PSME3IP1: variants seen among roughly 807,000 people sequenced by gnomAD.
PSME3IP1 encodes the protein PSME3-interacting protein.
PSME3IP1 carries 13 observed loss-of-function variants against 34.1 expected under a neutral mutation model. That is an observed-to-expected ratio of 0.38 (90% confidence interval 0.25 to 0.61). The LOEUF (loss-of-function observed/expected upper bound fraction) is 0.61. PSME3IP1 is among the 20% of genes least tolerant of loss of function. The pLI is 0.60. For missense variants in PSME3IP1, 237 were observed against 301.4 expected (o/e 0.79, Z 1.58); for synonymous variants, 93 against 114.3 (o/e 0.81, Z 1.19).
chr16:57,172,420 A>AT (rs1216798596), intron 3 of PSME3IP1, 48 bp from the exon 4 acceptor site: 1 of 1,584,162 alleles, frequency 6.3e-7, no homozygotes, highest in Admixed American at 1.9e-5. Flanking sequence ...AAAGGGAAAA[A>AT]TAAGATTTTT....
chr16:57,164,449 A>C (rs755065932), intron 5 of PSME3IP1, among the ~76,000 whole-genome samples: 2 of 152,290 alleles, frequency 1.3e-5, no homozygotes, highest in South Asian at 2.1e-4. Context: ...CATGCTAGAG[A>C]TTCTGAGAGT....
rs534930436 is a variant in PSME3IP1, at chr16:57,159,183, C to G, written c.548-4676G>C. Among the ~76,000 whole-genome samples, 20 of 152,288 alleles carry G rather than the reference C, an allele frequency of 1.3e-4. No homozygotes were observed. In the East Asian group the frequency reaches 2.9e-3, roughly 22 times the overall value. On this transcript the variant is annotated intron_variant, in intron 6 of 6. Transcript: ENST00000309137. ...AGAAATATAATCAAGGAATCTGGAC[C>G]ACTGTGGTATCAGAAGAGTTTAAGT...
In PSME3IP1 at chr16:57,174,392, C is replaced by T. The variant is rs149010297; in HGVS notation, c.-15-523G>A. The T allele has an allele frequency of 8.7e-5, 83 of 952,356 alleles. No individual in the cohort carries two copies. The African/African-American group carries it at 1.3e-3, about 14-fold the overall frequency. 59.0% of individuals were successfully genotyped at this position (952,356 alleles called of 1,614,324 possible). A position where few individuals can be genotyped will look rare whatever the true frequency, so the allele number is the denominator to read the frequency against. ...CATATCAGAGAATTTTTATTAACAT[C>T]GATGTTATCTACACAGTTGGCAAGA... On this transcript the variant is annotated intron_variant, in intron 1 of 6. Transcript: ENST00000309137.
intron 1 of PSME3IP1, among the ~76,000 whole-genome samples, chr16:57,177,101 G>A (rs549828612): frequency 2.2e-4 from 33 of 151,736 alleles, no homozygotes; most frequent in Admixed American, 5.3e-4. Context: ...GTGATCCACC[G>A]GCCTTGGCCT....
Position 57,154,846 on chromosome 16 carries a change from T to C in PSME3IP1, c.548-339A>G, listed in dbSNP as rs144791655. Among the ~76,000 whole-genome samples the C allele has an allele frequency of 8.5e-4, 129 of 152,286 alleles. 1 individual carries two copies. The highest frequency in any genetic ancestry group is 2.8e-3 in the African/African-American group (118 of 41,560). On this transcript the variant is annotated intron_variant, in intron 6 of 6. Coordinates refer to ENST00000309137, the MANE Select transcript of PSME3IP1 (RefSeq NM_024946.4). The surrounding 1 kb of genome is among the most constrained non-coding windows in gnomAD (Gnocchi z 4.0). ...GGAGTGTAGCCTAGAGTGCTTTGAT[T>C]TCCCTGTGCTCACACAGCCGTGAGA...
intron 6 of PSME3IP1, among the ~76,000 whole-genome samples, chr16:57,157,705 C>T (rs1038144241): frequency 3.3e-5 from 5 of 151,998 alleles, no homozygotes; most frequent in African/African-American, 1.2e-4. Flanking sequence ...CTCAGCCTCC[C>T]AGAGGGCTGG....
chr16:57,162,854 A>C (rs1567377286), intron 6 of PSME3IP1, among the ~76,000 whole-genome samples: 1 of 152,112 alleles, frequency 6.6e-6, no homozygotes, highest in African/African-American at 2.4e-5. Context: ...CATGCATAGA[A>C]TAGCTCTTGA....
intron 6 of PSME3IP1, among the ~76,000 whole-genome samples, chr16:57,158,056 G>A (rs1164758382): frequency 2.0e-5 from 3 of 152,178 alleles, no homozygotes; most frequent in Admixed American, 2.0e-4. Context: ...CTGGCTCAGA[G>A]CAGGCTTGCA....
chr16:57,168,628 C>T (rs962102506), intron 4 of PSME3IP1, among the ~76,000 whole-genome samples: 1 of 151,468 alleles, frequency 6.6e-6, no homozygotes, highest in Non-Finnish European at 1.5e-5. Context: ...ATGGAGAAAC[C>T]CTGTCTCTAC....
intron 4 of PSME3IP1, among the ~76,000 whole-genome samples, chr16:57,171,237 T>C (rs1243653961): frequency 2.0e-5 from 3 of 152,090 alleles, no homozygotes; most frequent in African/African-American, 4.8e-5. Context: ...GGCCCTGAGA[T>C]TGACTCAGAA....
intron 6 of PSME3IP1, among the ~76,000 whole-genome samples, chr16:57,156,226 C>T (rs12596338): frequency 0.033 from 5,099 of 152,210 alleles, 285 homozygotes; most frequent in East Asian, 0.23. Context: ...TGAAACTAAA[C>T]GTGAATCAAA....
At chr16:57,183,563 C>T (rs2146026024) in intron 1 of PSME3IP1, among the ~76,000 whole-genome samples, 1 of 151,754 alleles carries the variant, frequency 6.6e-6, no homozygotes, top group East Asian at 1.9e-4. Context: ...AAACTCCTGA[C>T]CTCAAGTGAT....
At chr16:57,163,793 T>C (rs769082565) in intron 6 of PSME3IP1, among the ~76,000 whole-genome samples, 71 of 152,252 alleles carry the variant, frequency 4.7e-4, no homozygotes, top group Non-Finnish European at 8.4e-4. Flanking sequence ...TCTAATATAA[T>C]AACTTTTGCA....
intron 6 of PSME3IP1, among the ~76,000 whole-genome samples, chr16:57,161,955 A>G (rs980540032): frequency 3.9e-5 from 6 of 152,156 alleles, no homozygotes; most frequent in Admixed American, 3.9e-4. Context: ...CCCAGGCTGG[A>G]GAGCAATGGT....
At chr16:57,185,466 A>T (rs1247063625) in intron 1 of PSME3IP1, 2 of 971,262 alleles carry the variant, frequency 2.1e-6, no homozygotes, top group African/African-American at 1.8e-5. Context: ...GACGCCGCAC[A>T]TCCGAGTGAG....
intron 1 of PSME3IP1, among the ~76,000 whole-genome samples, chr16:57,179,409 T>C (rs1184551903): frequency 6.6e-6 from 1 of 152,256 alleles, no homozygotes. Context: ...CTGGTAACAC[T>C]GAACTACTGG....
At chr16:57,178,642 G>A (rs2073417003) in intron 1 of PSME3IP1, 1 of 985,298 alleles carries the variant, frequency 1.0e-6, no homozygotes, top group Non-Finnish European at 1.2e-6. Context: ...AGTATCATGG[G>A]AATTCTATTC....
intron 1 of PSME3IP1, chr16:57,178,495 T>C: frequency 1.1e-6 from 1 of 939,638 alleles, no homozygotes; most frequent in Non-Finnish European, 1.3e-6. Flanking sequence ...GGTATTCAAA[T>C]ACTTACTGAA....
At chr16:57,156,289 T>G (rs1382820086) in intron 6 of PSME3IP1, among the ~76,000 whole-genome samples, 2 of 151,988 alleles carry the variant, frequency 1.3e-5, no homozygotes, top group Non-Finnish European at 2.9e-5. Flanking sequence ...AGGGTTGGAG[T>G]TCATACTTTG....
Sources: allele counts gnomAD v4.1 joint callset (sites outside exome capture counted in the v4.1 genomes callset), GRCh38; gene constraint gnomAD v4.1.1; non-coding constraint Gnocchi (gnomAD v3.1); transcripts MANE v1.5; gene names NCBI Gene and HGNC (gene_info 2026-07-23, HGNC 2026-07-21).